The following CLOCK variants were observed in gnomAD, a reference collection of about 807,000 sequenced individuals.
CLOCK encodes clock circadian regulator.
CLOCK carries 43 observed loss-of-function variants against 118.4 expected under a neutral mutation model. The ratio of observed to expected loss-of-function variants is 0.36; its 90% CI spans 0.28 to 0.47. CLOCK has a LOEUF of 0.47. Ranked by LOEUF, CLOCK falls within the 20% of genes least tolerant of loss-of-function variation. The pLI, the probability that CLOCK is intolerant of heterozygous loss-of-function variation, is 1.00. For synonymous variants in CLOCK, 326 were observed against 339.2 expected (o/e 0.96, Z 0.43); for missense variants, 846 against 999.9 (o/e 0.85, Z 2.08).
chr4:55,496,652 G>C (rs1728106276), intron 2 of CLOCK, among the ~76,000 whole-genome samples: 1 of 152,100 alleles, frequency 6.6e-6, no homozygotes, highest in Non-Finnish European at 1.5e-5. Context: ...TGAAAAACTT[G>C]TTCAGGGCTC....
chr4:55,463,562 G>T, intron 9 of CLOCK, 123 bp downstream of exon 9: 1 of 749,762 alleles, frequency 1.3e-6, no homozygotes. Context: ...TATTGAAAAA[G>T]GACCTAATAG....
At chr4:55,458,433 C>T (rs1393265207) in intron 11 of CLOCK, among the ~76,000 whole-genome samples, 2 of 152,030 alleles carry the variant, frequency 1.3e-5, no homozygotes, top group Non-Finnish European at 2.9e-5. Context: ...CTTTCACTTT[C>T]CCACTTCCCT....
At chr4:55,543,509 T>G (rs1731413734) in intron 1 of CLOCK, among the ~76,000 whole-genome samples, 1 of 152,198 alleles carries the variant, frequency 6.6e-6, no homozygotes, top group Non-Finnish European at 1.5e-5. Flanking sequence ...TACCCTTCAG[T>G]CAAGGGTATA....
intron 1 of CLOCK, among the ~76,000 whole-genome samples, chr4:55,517,689 G>A (rs1050386613): frequency 6.6e-6 from 1 of 152,088 alleles, no homozygotes; most frequent in Non-Finnish European, 1.5e-5. Context: ...TTTTAGAAGA[G>A]ACTATGTAGA....
At chr4:55,530,158 A>G (rs896018456) in intron 1 of CLOCK, among the ~76,000 whole-genome samples, 2 of 152,190 alleles carry the variant, frequency 1.3e-5, no homozygotes, top group African/African-American at 2.4e-5. Flanking sequence ...AAGAATAACA[A>G]AAACAATTCA....
chr4:55,458,980 C>T lies in CLOCK; in HGVS notation c.704G>A (p.Gly235Glu), dbSNP rs138755597. ...VSSSAHNGFE[G>E]TIQRTHRPSY... ...TGGCCTATGTGTGCGTTGTATAGTTCCTTCAAAACCATTGTGTGCTGAAGA... is the reference window on the plus strand; with the variant it reads ...TGGCCTATGTGTGCGTTGTATAGTTTCTTCAAAACCATTGTGTGCTGAAGA... Residue 235 changes from glycine to glutamate, a missense_variant, in exon 11 of 23, where the codon GGA becomes GAA. Gly to Glu is a moderately conservative substitution (Grantham distance 98, BLOSUM62 -2). Coordinates refer to ENST00000513440, the MANE Select transcript of CLOCK (RefSeq NM_004898.4). 257 of 1,613,794 alleles carry T rather than the reference C, an allele frequency of 1.6e-4. No homozygotes were observed. In the African/African-American group the frequency reaches 2.9e-3, roughly 18 times the overall value.
chr4:55,451,497 A>T (rs1724451286), intron 15 of CLOCK, among the ~76,000 whole-genome samples: 3 of 152,156 alleles, frequency 2.0e-5, no homozygotes, highest in African/African-American at 7.2e-5. Flanking sequence ...CATGATTTTG[A>T]AACCATCCAC....
rs766889975 is a variant in CLOCK at position 55,443,723 on chromosome 4, C to G, written c.1866G>C (p.Met622Ile). Reference sequence around the variant, plus strand: ...TACTCTGTAAAGTCTGTTGTTGTATCATGTGCTGAGTTGTGCCAATGTGTC... The same window carrying G: ...TACTCTGTAAAGTCTGTTGTTGTATGATGTGCTGAGTTGTGCCAATGTGTC... ...NTGHIGTTQH[M>I]IQQQTLQSTS... is the part of the protein sequence containing the mutation. Residue 622 changes from methionine to isoleucine, a missense_variant, in exon 20 of 23, where the codon ATG becomes ATC. Met to Ile is a conservative substitution (Grantham distance 10). Transcript: ENST00000513440. 6.2e-7 allele frequency: 1 copy of G among 1,614,112 alleles called. No homozygotes were observed. The highest frequency in any genetic ancestry group is 2.2e-5 in the East Asian group (1 of 44,864).
chr4:55,465,114 G>A (rs1055578529), intron 8 of CLOCK, among the ~76,000 whole-genome samples: 10 of 152,020 alleles, frequency 6.6e-5, no homozygotes, highest in African/African-American at 2.4e-4. Flanking sequence ...GCCAACCATG[G>A]ATCAAAACTA....
intron 1 of CLOCK, among the ~76,000 whole-genome samples, chr4:55,513,856 C>T (rs540543503): frequency 1.8e-3 from 277 of 151,994 alleles, no homozygotes; most frequent in African/African-American, 6.4e-3. Flanking sequence ...TAGATTTATA[C>T]CTAAGTATTT....
intron 18 of CLOCK, among the ~76,000 whole-genome samples, chr4:55,447,084 T>C (rs538514649): frequency 1.1e-4 from 16 of 152,118 alleles, no homozygotes; most frequent in African/African-American, 3.4e-4. Flanking sequence ...GTTATAATTA[T>C]GGCCGGGCAT....
chr4:55,503,978 T>TAAAAGAAAAAAAAAAAAA (rs1553900254), intron 2 of CLOCK, among the ~76,000 whole-genome samples: 1,541 of 70,784 alleles, frequency 0.022, 235 homozygotes, highest in East Asian at 0.065. Flanking sequence ...CAAAAAGAGG[T>TAAAAGAAAAAAAAAAAAA]AAAAAAAAAA....
intron 21 of CLOCK, among the ~76,000 whole-genome samples, chr4:55,439,759 A>G (rs1723196380): frequency 6.6e-6 from 1 of 152,218 alleles, no homozygotes; most frequent in South Asian, 2.1e-4. Context: ...CATTCACAAA[A>G]GGACAAATAC....
intron 1 of CLOCK, among the ~76,000 whole-genome samples, chr4:55,533,639 G>A (rs1297214162): frequency 2.6e-5 from 4 of 151,794 alleles, no homozygotes; most frequent in Admixed American, 1.3e-4. Flanking sequence ...ATGGTGGCTC[G>A]TGCCTGTAAT....
chr4:55,517,761 C>A (rs2110050387), intron 1 of CLOCK, among the ~76,000 whole-genome samples: 1 of 152,160 alleles, frequency 6.6e-6, no homozygotes, highest in South Asian at 2.1e-4. Context: ...TTCAGAATTA[C>A]AAAATCAATT....
intron 13 of CLOCK, 82 bp downstream of exon 13, chr4:55,455,815 G>A (rs1382007490): frequency 3.1e-6 from 3 of 963,784 alleles, no homozygotes; most frequent in Non-Finnish European, 5.1e-6. Context: ...TTATAAATCT[G>A]TGTCTTACTA....
At chr4:55,449,153 T>C (rs976253740) in intron 17 of CLOCK, among the ~76,000 whole-genome samples, 6 of 136,892 alleles carry the variant, frequency 4.4e-5, no homozygotes, top group African/African-American at 1.7e-4. Flanking sequence ...CAGCTATCAA[T>C]TTTGAGCTTT....
At position 55,482,752 on chromosome 4, in the gene CLOCK, A is replaced by C; in HGVS notation, c.34T>G (p.Ser12Ala). Residue 12 changes from serine (S) to alanine (A), a missense_variant, in exon 4 of 23, where the codon TCG becomes GCG. Coordinates refer to ENST00000513440, the MANE Select transcript of CLOCK (RefSeq NM_004898.4). ...LFTVSCSKMS[S>A]IVDRDDSSIF... ...TCAAAAACATACCTGTCAACAATCG[A>C]GCTCATTTTACTACAGCTTACGGTA... 2 of 1,608,192 alleles carry C rather than the reference A, an allele frequency of 1.2e-6. No homozygotes were observed. The highest frequency in any genetic ancestry group is 1.7e-6 in the Non-Finnish European group (2 of 1,176,812).
intron 22 of CLOCK, among the ~76,000 whole-genome samples, chr4:55,437,912 G>C (rs1723017291): frequency 6.6e-6 from 1 of 152,140 alleles, no homozygotes; most frequent in Non-Finnish European, 1.5e-5. Context: ...CTAGTAAAAA[G>C]AAATCCCTGC....
Sources: gnomAD v4.1 joint callset for allele counts (sites outside exome capture counted in the v4.1 genomes callset) on GRCh38, gnomAD v4.1.1 for gene constraint, MANE v1.5 for transcripts, NCBI Gene and HGNC (gene_info 2026-07-23, HGNC 2026-07-21) for gene names.